CLEC16A: variants seen among roughly 807,000 people sequenced by gnomAD.
CLEC16A encodes C-type lectin domain containing 16A, also known as protein CLEC16A.
Under a neutral mutation model 109.5 loss-of-function variants are expected in CLEC16A, and 51 were observed. The observed-to-expected ratio is 0.47, with a 90% CI of 0.37 to 0.59. The LOEUF is 0.59. Among genes scored for constraint, CLEC16A ranks in the 20% least tolerant of loss-of-function variants. The probability of loss-of-function intolerance (pLI) is 0.00; values close to 1 mark genes in which losing one functional copy is unlikely to be tolerated. For synonymous variants in CLEC16A, 673 were observed against 564.2 expected, an observed-to-expected ratio of 1.19 and a Z score of -2.73; for missense variants, 1,339 against 1,394.0, an observed-to-expected ratio of 0.96 and a Z score of 0.63.
chr16:10,988,409 G>A (rs1034494738), intron 10 of CLEC16A, among the ~76,000 whole-genome samples: 1 of 152,084 alleles, frequency 6.6e-6, no homozygotes, highest in African/African-American at 2.4e-5. Context: ...CTCCTCCCAT[G>A]AGGACAGGGA....
intron 22 of CLEC16A, among the ~76,000 whole-genome samples, chr16:11,128,422 T>C (rs1038897595): frequency 2.0e-5 from 3 of 152,226 alleles, no homozygotes; most frequent in African/African-American, 7.2e-5. Flanking sequence ...GTCCTGTTGC[T>C]GGTCCCAGGG....
At chr16:10,999,810 T>A (rs2044556646) in intron 10 of CLEC16A, among the ~76,000 whole-genome samples, 1 of 152,218 alleles carries the variant, frequency 6.6e-6, no homozygotes, top group Non-Finnish European at 1.5e-5. Context: ...GTTCACCGTT[T>A]CGGCACTCTC....
chr16:11,112,807 C>T (rs191169266), intron 19 of CLEC16A, among the ~76,000 whole-genome samples: 4 of 152,370 alleles, frequency 2.6e-5, no homozygotes, highest in African/African-American at 7.2e-5. Context: ...AGGAGGCATG[C>T]CATACCTTCA....
In CLEC16A at chr16:11,109,695, G is replaced by A. The variant is rs188200548; in HGVS notation, c.2117-10920G>A. On this transcript the variant is annotated intron_variant, in intron 19 of 23. Coordinates refer to ENST00000409790, the MANE Select transcript of CLEC16A (RefSeq NM_015226.3). ...GCCCCTCCCTCACACGTGCAGCCAC[G>A]GGCCCTCCAGGTGTCCTATCAGCTG... Among the ~76,000 whole-genome samples, 34 of 152,304 alleles carry A rather than the reference G, an allele frequency of 2.2e-4. No homozygotes were observed. In the South Asian group the frequency reaches 6.0e-3, roughly 27 times the overall value.
At chr16:11,107,930 C>T (rs926387937) in intron 19 of CLEC16A, among the ~76,000 whole-genome samples, 12 of 152,206 alleles carry the variant, frequency 7.9e-5, no homozygotes, top group South Asian at 2.1e-4. Context: ...CCCTCCACCC[C>T]GCACTGAGCC....
At chr16:11,101,123 G>GTTA (rs895866639) in intron 19 of CLEC16A, among the ~76,000 whole-genome samples, 8 of 152,292 alleles carry the variant, frequency 5.3e-5, no homozygotes, top group Admixed American at 5.2e-4. Context: ...CTTTGTTCGT[G>GTTA]TTATATTTTA....
intron 18 of CLEC16A, among the ~76,000 whole-genome samples, chr16:11,060,462 A>C (rs1332994147): frequency 5.9e-5 from 9 of 152,218 alleles, no homozygotes; most frequent in Non-Finnish European, 1.3e-4. Context: ...TGGGTTTTCC[A>C]GAGCCCATGC....
intron 15 of CLEC16A, 148 bp from the exon 16 acceptor site, chr16:11,043,880 A>AC: frequency 1.9e-6 from 1 of 534,646 alleles, no homozygotes; most frequent in Non-Finnish European, 3.2e-6. Context: ...TCTCAAGAAA[A>AC]GGGAAAAAAA....
chr16:10,982,277 G>A (rs1039995456), intron 9 of CLEC16A, among the ~76,000 whole-genome samples: 12 of 152,096 alleles, frequency 7.9e-5, no homozygotes, highest in African/African-American at 2.9e-4. Flanking sequence ...TTGCATCCTG[G>A]CCCACCTGGG....
intron 19 of CLEC16A, among the ~76,000 whole-genome samples, chr16:11,119,985 T>A (rs2052281869): frequency 6.6e-6 from 1 of 152,014 alleles, no homozygotes. Context: ...TTTTGTTTTG[T>A]TTGAGACGGA....
chr16:10,976,698 C>A (rs1030879954), intron 7 of CLEC16A, among the ~76,000 whole-genome samples: 2 of 152,212 alleles, frequency 1.3e-5, no homozygotes, highest in African/African-American at 4.8e-5. Flanking sequence ...GACATTACCC[C>A]CTGGCCCCCC....
chr16:11,010,721 T>C (rs990943762), intron 11 of CLEC16A, among the ~76,000 whole-genome samples: 4 of 152,196 alleles, frequency 2.6e-5, no homozygotes, highest in African/African-American at 9.7e-5. Flanking sequence ...ATAATGTCTT[T>C]CTAGCATATT....
chr16:11,095,481 C>A (rs1004995464), intron 19 of CLEC16A, among the ~76,000 whole-genome samples: 1 of 152,162 alleles, frequency 6.6e-6, no homozygotes, highest in South Asian at 2.1e-4. Flanking sequence ...GTCAGCATAG[C>A]TGAGGGTTTG....
chr16:11,027,558 A>T, intron 13 of CLEC16A: 1 of 1,555,270 alleles, frequency 6.4e-7, no homozygotes, highest in Non-Finnish European at 8.8e-7. Context: ...GCACCTGGGG[A>T]AGTTTGGCAT....
At position 11,158,320 on chromosome 16, in the gene CLEC16A, T is replaced by A. The variant is rs189466310; in HGVS notation, c.2642-8068T>A. ...TCAGGGCACCCACGCCTCATGGTCC[T>A]CATTCACGGCAGAGACTGTGGAAAA... is the stretch of plus-strand genomic sequence containing the variant. On this transcript the variant is annotated intron_variant, in intron 22 of 23. Transcript: ENST00000409790. 3.2e-4 allele frequency among the ~76,000 whole-genome samples: 48 copies of A among 152,320 alleles called. No homozygotes were observed. In the East Asian group the frequency reaches 6.6e-3, roughly 21 times the overall value.
At position 11,052,924 on chromosome 16, in the gene CLEC16A, T is replaced by C. The variant is rs576717513; in HGVS notation, c.1995+1283T>C. Among the ~76,000 whole-genome samples the C allele has an allele frequency of 1.3e-4, 20 of 152,148 alleles. No individual in the cohort carries two copies. In the South Asian group the frequency reaches 4.1e-3, roughly 32 times the overall value. On this transcript the variant is annotated intron_variant, in intron 18 of 23. Transcript: ENST00000409790. ...GTTGTTGTTGTTTTGGAGGCTGCAG[T>C]GAGCTGTGATCCATCCTGGAGTGCA...
intron 8 of CLEC16A, among the ~76,000 whole-genome samples, chr16:10,977,641 G>A (rs891164175): frequency 6.6e-6 from 1 of 152,190 alleles, no homozygotes; most frequent in African/African-American, 2.4e-5. Flanking sequence ...AGCCTCCCGA[G>A]TAGCTGGGAT....
intron 19 of CLEC16A, among the ~76,000 whole-genome samples, chr16:11,064,545 A>G (rs572457141): frequency 6.6e-6 from 1 of 152,288 alleles, no homozygotes; most frequent in Non-Finnish European, 1.5e-5. Context: ...GGGAGTCTGA[A>G]GTGGGAAGAT....
intron 14 of CLEC16A, chr16:11,040,274 A>T (rs2047251875): frequency 5.6e-6 from 1 of 179,220 alleles, no homozygotes; most frequent in African/African-American, 2.4e-5. Context: ...TAGACGTAGG[A>T]GACAGAGTTT....
Sources: allele counts gnomAD v4.1 joint callset (sites outside exome capture counted in the v4.1 genomes callset), GRCh38; gene constraint gnomAD v4.1.1; transcripts MANE v1.5; gene names NCBI Gene and HGNC (gene_info 2026-07-23, HGNC 2026-07-21).